Variants in LRP6 observed in about 807,000 individuals in gnomAD.
LRP6 encodes the protein LDL receptor related protein 6, also known as low-density lipoprotein receptor-related protein 6.
In LRP6, 43 loss-of-function variants were observed where a neutral mutation model predicts 184.1. The observed-to-expected ratio is 0.23, with a 90% CI of 0.18 to 0.30. The LOEUF (loss-of-function observed/expected upper bound fraction) is 0.30. Among genes scored for constraint, LRP6 ranks in the 10% least tolerant of loss-of-function variants. The pLI is 1.00. For synonymous variants in LRP6, 719 were observed against 684.9 expected (o/e 1.05, Z -0.78); for missense variants, 1,571 against 2,005.3 (o/e 0.78, Z 4.14).
chr12:12,184,556 T>C (rs942505792), intron 4 of LRP6, among the ~76,000 whole-genome samples: 2 of 152,186 alleles, frequency 1.3e-5, no homozygotes, highest in African/African-American at 4.8e-5. Context: ...GAAGGATAGA[T>C]AAGAGGACAT....
chr12:12,258,964 G>GA (rs369852735), intron 1 of LRP6, among the ~76,000 whole-genome samples: 6,269 of 149,288 alleles, frequency 0.042, 176 homozygotes, highest in Middle Eastern at 0.16. Flanking sequence ...ATTTTCTTGG[G>GA]AAAAAAAAAA....
At chr12:12,233,912 G>A (rs1193234910) in intron 2 of LRP6, among the ~76,000 whole-genome samples, 1 of 151,906 alleles carries the variant, frequency 6.6e-6, no homozygotes, top group Non-Finnish European at 1.5e-5. Context: ...AATAAACTAT[G>A]GTACACTCAC....
At chr12:12,123,786 C>G (rs1949635412) in intron 22 of LRP6, among the ~76,000 whole-genome samples, 1 of 152,174 alleles carries the variant, frequency 6.6e-6, no homozygotes, top group Non-Finnish European at 1.5e-5. Context: ...TTCAATCTTT[C>G]TTTATTCCAT....
intron 3 of LRP6, among the ~76,000 whole-genome samples, chr12:12,187,770 G>A (rs1365045331): frequency 6.6e-6 from 1 of 152,154 alleles, no homozygotes; most frequent in Non-Finnish European, 1.5e-5. Flanking sequence ...CCAAAAAGAA[G>A]TCCTGTTAGT....
rs58540250 is a variant in LRP6 at position 12,164,919 on chromosome 12, T to TAAAAAAAAAAAAAAAAAAAAAAA, written c.1762+137_1762+159dup. Among the ~76,000 whole-genome samples, 18 of 57,092 alleles carry TAAAAAAAAAAAAAAAAAAAAAAA rather than the reference T, an allele frequency of 3.2e-4. 1 individual carries two copies. Among genetic ancestry groups the TAAAAAAAAAAAAAAAAAAAAAAA allele is most frequent in the Admixed American group, 6.3e-4 (3 of 4,772 alleles). The allele number at this position is 57,092 out of a possible 152,430, so 37.5% of individuals were successfully genotyped here. A position where few individuals can be genotyped will look rare whatever the true frequency, so the allele number is the denominator to read the frequency against. On this transcript the variant is annotated intron_variant, in intron 8 of 22. Coordinates refer to ENST00000261349, the MANE Select transcript of LRP6 (RefSeq NM_002336.3). ...CAACGTTTAAAAGGTCCCTTCTCAG[T>TAAAAAAAAAAAAAAAAAAAAAAA]AAAAAAAAAAAAAAAAAAAAAAAAA...
At chr12:12,137,018 C>T (rs561702741) in intron 16 of LRP6, among the ~76,000 whole-genome samples, 49 of 152,156 alleles carry the variant, frequency 3.2e-4, no homozygotes, top group Non-Finnish European at 5.9e-4. Context: ...GCCTGAGCTA[C>T]AAGTCATACC....
intron 2 of LRP6, among the ~76,000 whole-genome samples, chr12:12,216,669 AAG>A: frequency 1.3e-5 from 2 of 151,418 alleles, no homozygotes; most frequent in African/African-American, 2.4e-5. Context: ...AAAAAAAAAA[AAG>A]AAAAGAAAAG....
At position 12,260,377 on chromosome 12, in the gene LRP6, CAA is replaced by C. The variant is rs34452498; in HGVS notation, c.55+6302_55+6303del. Among the ~76,000 whole-genome samples, 99 of 129,648 alleles carry C rather than the reference CAA, an allele frequency of 7.6e-4. 1 individual carries two copies. Among genetic ancestry groups the C allele is most frequent in the Admixed American group, 2.2e-3 (28 of 12,996 alleles). The allele number at this position is 129,648 out of a possible 152,430, so 85.1% of individuals were successfully genotyped here. A position where few individuals can be genotyped will look rare whatever the true frequency, so the allele number is the denominator to read the frequency against. On this transcript the variant is annotated intron_variant, in intron 1 of 22. Transcript: ENST00000261349. Reference sequence around the variant, plus strand: ...TGGGCGACTGAGCAAGACTCCGTCTCAAAAAAAAAAAAAAGAAAAAAAATTTA... The same window carrying C: ...TGGGCGACTGAGCAAGACTCCGTCTCAAAAAAAAAAAAGAAAAAAAATTTA...
chr12:12,181,717 T>A (rs1447962089), intron 5 of LRP6, among the ~76,000 whole-genome samples: 1 of 152,168 alleles, frequency 6.6e-6, no homozygotes, highest in African/African-American at 2.4e-5. Context: ...GTACAATGAA[T>A]AATGACTATG....
chr12:12,121,164 A>G lies in LRP6; in HGVS notation c.4804T>C (p.Tyr1602His). 4 of 1,613,586 alleles carry G rather than the reference A, an allele frequency of 2.5e-6. No homozygotes were observed. Among genetic ancestry groups the G allele is most frequent in the South Asian group, 1.1e-5 (1 of 91,048 alleles). ...YTERSYSHHL[Y>H]PPPPSPCTDS... Reference sequence around the variant, plus strand: ...GTACAGGGAGAGGGTGGCGGTGGGTAGAGGTGATGAGAATAGCTCCTCTCT... The same window carrying G: ...GTACAGGGAGAGGGTGGCGGTGGGTGGAGGTGATGAGAATAGCTCCTCTCT... The change falls in exon 23 of 23, where the codon TAC becomes CAC. Residue 1602 changes from tyrosine to histidine, a missense_variant. Physicochemically the swap from Tyr to His is moderately conservative, Grantham distance 83 (BLOSUM62 2). Coordinates refer to ENST00000261349, the MANE Select transcript of LRP6 (RefSeq NM_002336.3).
At chr12:12,139,722 GA>G (rs557526394) in intron 15 of LRP6, among the ~76,000 whole-genome samples, 3 of 145,462 alleles carry the variant, frequency 2.1e-5, no homozygotes, top group Admixed American at 6.8e-5. Context: ...CCTGTCTCAG[GA>G]AAAAAAAAAG....
Position 12,126,877 on chromosome 12 carries a change from A to T in LRP6, c.4126T>A (p.Ser1376Thr). ...PAPQATNTVG[S>T]VIGVIVTIFV... ...ATGGTGACAATTACGCCAATAACAG[A>T]ACCAACTGTATTGGTGGCCTGTGGT... Residue 1376 changes from serine to threonine, a missense_variant, in exon 20 of 23, where the codon TCT (serine) becomes ACT (threonine). Coordinates refer to ENST00000261349, the MANE Select transcript of LRP6 (RefSeq NM_002336.3). 6 of 1,614,172 alleles carry T rather than the reference A, an allele frequency of 3.7e-6. No individual in the cohort carries two copies. The highest frequency in any genetic ancestry group is 5.1e-6 in the Non-Finnish European group (6 of 1,179,990).
chr12:12,211,411 C>T (rs1249483587), intron 2 of LRP6, among the ~76,000 whole-genome samples: 1 of 152,144 alleles, frequency 6.6e-6, no homozygotes, highest in Non-Finnish European at 1.5e-5. Context: ...CACTGCACTC[C>T]AGTCTGGGTG....
chr12:12,151,840 C>T (rs1161295403), intron 12 of LRP6, among the ~76,000 whole-genome samples: 5 of 151,988 alleles, frequency 3.3e-5, no homozygotes, highest in Admixed American at 3.3e-4. Context: ...CTGTGCCCAC[C>T]CATAAATTTA....
chr12:12,178,527 TA>T (rs1204643378), intron 7 of LRP6, among the ~76,000 whole-genome samples: 10 of 152,228 alleles, frequency 6.6e-5, no homozygotes, highest in Non-Finnish European at 1.3e-4. Context: ...TACACTCATG[TA>T]TAGTTCATAA....
chr12:12,143,231 T>G (rs1309845044), intron 15 of LRP6, among the ~76,000 whole-genome samples: 1 of 152,194 alleles, frequency 6.6e-6, no homozygotes, highest in Non-Finnish European at 1.5e-5. Flanking sequence ...AAGACCTCTA[T>G]GCTGAAAATT....
intron 5 of LRP6, among the ~76,000 whole-genome samples, chr12:12,182,673 G>C (rs967940911): frequency 2.6e-5 from 4 of 152,158 alleles, no homozygotes; most frequent in African/African-American, 9.7e-5. Context: ...AATTATAAAT[G>C]AATTCCAACT....
rs1159155887 is a variant in LRP6 at position 12,189,782 on chromosome 12, T to C, written c.648-2663A>G. 3.3e-5 allele frequency among the ~76,000 whole-genome samples: 5 copies of C among 152,322 alleles called. No homozygotes were observed. The East Asian group carries it at 9.6e-4, about 29-fold the overall frequency. The stretch of plus-strand genomic sequence containing the variant: ...TCCTAAAATGCTGGGATTACAGGCG[T>C]GAGCCACCGAGCCCGGCCTTAACAC... On this transcript the variant is annotated intron_variant, in intron 3 of 22. Coordinates refer to ENST00000261349, the MANE Select transcript of LRP6 (RefSeq NM_002336.3).
At position 12,266,706 on chromosome 12, in the gene LRP6, G is replaced by A. The variant is rs761744803; in HGVS notation, c.30C>T (p.Ala10=). 8 of 1,613,716 alleles carry A rather than the reference G, an allele frequency of 5.0e-6. No individual in the cohort carries two copies. Among genetic ancestry groups the A allele is most frequent in the Middle Eastern group, 1.7e-4 (1 of 6,060 alleles). The change falls in exon 1 of 23, where the codon GCC becomes GCT. Residue 10 remains alanine (A), a synonymous_variant. Coordinates refer to ENST00000261349, the MANE Select transcript of LRP6 (RefSeq NM_002336.3). ...CTCTCAGGAGCACACAGAAGCTGCA[G>A]GCCAGGAGGCTCCTCAGGACGGCCC... MGAVLRSLL[A]CSFCVLLRAA...
Sources: gnomAD v4.1 joint callset for allele counts (sites outside exome capture counted in the v4.1 genomes callset) on GRCh38, gnomAD v4.1.1 for gene constraint, MANE v1.5 for transcripts, NCBI Gene and HGNC (gene_info 2026-07-23, HGNC 2026-07-21) for gene names.